SNX29: variants seen among roughly 807,000 people sequenced by gnomAD.
SNX29 encodes the protein sorting nexin-29.
In SNX29, 78 loss-of-function variants were observed where a neutral mutation model predicts 102.1. That is an observed-to-expected ratio of 0.76 (90% confidence interval 0.64 to 0.92). The LOEUF (loss-of-function observed/expected upper bound fraction) is 0.92, where lower values mean the gene tolerates loss of function less well. Ranked by LOEUF, SNX29 falls within the 40% of genes least tolerant of loss-of-function variation. The pLI is 0.00. For missense variants in SNX29, 1,280 were observed against 1,061.7 expected, an observed-to-expected ratio of 1.21 and a Z score of -2.86; for synonymous variants, 580 against 414.5, an observed-to-expected ratio of 1.40 and a Z score of -4.85.
chr16:12,342,605 G>C (rs144360798), intron 15 of SNX29, among the ~76,000 whole-genome samples: 2,737 of 152,318 alleles, frequency 0.018, 42 homozygotes, highest in Non-Finnish European at 0.023. Context: ...AGAATCTTGT[G>C]TCTTTTACGA....
chr16:12,556,452 T>TTC (rs2078356095), intron 20 of SNX29: 5 of 152,204 alleles, frequency 3.3e-5, no homozygotes, highest in Admixed American at 6.5e-5. Context: ...TCCAAGGAAC[T>TTC]CTTAGGCGAA....
At chr16:12,424,270 A>G (rs1346618708) in intron 18 of SNX29, among the ~76,000 whole-genome samples, 2 of 152,230 alleles carry the variant, frequency 1.3e-5, no homozygotes, top group East Asian at 3.8e-4. Flanking sequence ...CCATTGCCCA[A>G]GGCCAGAGTC....
chr16:11,989,496 T>C (rs988475618), intron 1 of SNX29, among the ~76,000 whole-genome samples: 1 of 152,186 alleles, frequency 6.6e-6, no homozygotes, highest in Non-Finnish European at 1.5e-5. Flanking sequence ...GGGAGAACGA[T>C]TGTCCATTTT....
intron 14 of SNX29, among the ~76,000 whole-genome samples, chr16:12,266,939 T>G (rs2078946606): frequency 6.6e-6 from 1 of 152,038 alleles, no homozygotes; most frequent in South Asian, 2.1e-4. Context: ...AATTTTGTAT[T>G]TTTAGTGGAG....
chr16:12,530,453 C>T (rs1387044644), intron 20 of SNX29, among the ~76,000 whole-genome samples: 1 of 152,184 alleles, frequency 6.6e-6, no homozygotes, highest in Non-Finnish European at 1.5e-5. Flanking sequence ...TACCCTTGCA[C>T]TCACTGTCAA....
rs550737704 is a variant in SNX29, at chr16:12,445,303, A to T, written c.2038-32416A>T. Among the ~76,000 whole-genome samples, 282 of 152,338 alleles carry T rather than the reference A, an allele frequency of 1.9e-3. 3 individuals are homozygous for T. The highest frequency in any genetic ancestry group is 6.5e-3 in the African/African-American group (270 of 41,576). Reference sequence around the variant, plus strand: ...ATCCACAAAGCCTAAAACATTTATCATCTGGCTGGCTGCAGAAGACGTTTG... The same window carrying T: ...ATCCACAAAGCCTAAAACATTTATCTTCTGGCTGGCTGCAGAAGACGTTTG... On this transcript the variant is annotated intron_variant, in intron 18 of 20. Coordinates refer to ENST00000566228, the MANE Select transcript of SNX29 (RefSeq NM_032167.5).
chr16:12,492,552 A>G (rs1465526539), intron 19 of SNX29, among the ~76,000 whole-genome samples: 1 of 151,996 alleles, frequency 6.6e-6, no homozygotes, highest in African/African-American at 2.4e-5. Flanking sequence ...CCATTTGTCA[A>G]TTTTGGCTTT....
intron 1 of SNX29, 25 bp from the exon 2 acceptor site, chr16:11,999,272 C>G: frequency 6.2e-7 from 1 of 1,612,898 alleles, no homozygotes; most frequent in Non-Finnish European, 8.5e-7. Context: ...TCAGAGAGAA[C>G]TAATTAAGCC....
At chr16:12,169,622 G>A (rs1218106229) in intron 13 of SNX29, among the ~76,000 whole-genome samples, 1 of 152,202 alleles carries the variant, frequency 6.6e-6, no homozygotes, top group Admixed American at 6.5e-5. Context: ...CACTCTGGGA[G>A]GCCAAGATGG....
intron 13 of SNX29, among the ~76,000 whole-genome samples, chr16:12,195,985 CTT>C (rs762409358): frequency 0.15 from 17,711 of 117,246 alleles, 914 homozygotes; most frequent in East Asian, 0.22. Flanking sequence ...GTTTCTTTTC[CTT>C]TTTTTTTTTT....
intron 15 of SNX29, among the ~76,000 whole-genome samples, chr16:12,347,894 G>C (rs9922297): frequency 3.5e-5 from 5 of 144,078 alleles, no homozygotes; most frequent in Non-Finnish European, 6.0e-5. Flanking sequence ...CCTGAGAAAC[G>C]TAGCCATATC....
At chr16:12,150,770 T>G (rs184453833) in intron 13 of SNX29, among the ~76,000 whole-genome samples, 94 of 152,300 alleles carry the variant, frequency 6.2e-4, no homozygotes, top group Non-Finnish European at 1.1e-3. Flanking sequence ...CAGCCTGTGG[T>G]TTGGGTTCAT....
At chr16:12,381,228 C>T (rs540699143) in intron 16 of SNX29, among the ~76,000 whole-genome samples, 1 of 21,036 alleles carries the variant, frequency 4.8e-5, no homozygotes, top group Non-Finnish European at 7.9e-5. Flanking sequence ...CCACCCACCC[C>T]TCATCCATCT....
At chr16:12,495,769 G>T (rs2088789665) in intron 19 of SNX29, among the ~76,000 whole-genome samples, 1 of 152,168 alleles carries the variant, frequency 6.6e-6, no homozygotes, top group Non-Finnish European at 1.5e-5. Flanking sequence ...AATGTCTGCA[G>T]CTGGTTGGGC....
intron 14 of SNX29, among the ~76,000 whole-genome samples, chr16:12,217,327 C>T (rs745796121): frequency 2.0e-5 from 3 of 152,194 alleles, no homozygotes; most frequent in Admixed American, 6.5e-5. Flanking sequence ...GCCCCCAACA[C>T]CTGCTGTTTC....
At position 12,396,594 on chromosome 16, in the gene SNX29, T is replaced by C. The variant is rs557885364; in HGVS notation, c.1900-1852T>C. On this transcript the variant is annotated intron_variant, in intron 16 of 20. Coordinates refer to ENST00000566228, the MANE Select transcript of SNX29 (RefSeq NM_032167.5). Reference sequence around the variant, plus strand: ...GCCCTACAGTGTCTGCCAGAGAAGATACTGGCGTCCTCCACATGGATGAAA... The same window carrying C: ...GCCCTACAGTGTCTGCCAGAGAAGACACTGGCGTCCTCCACATGGATGAAA... 6.6e-5 allele frequency among the ~76,000 whole-genome samples: 10 copies of C among 152,304 alleles called. No homozygotes were observed. The South Asian group carries it at 2.1e-3, about 32-fold the overall frequency.
chr16:12,178,314 G>A (rs544854581), intron 13 of SNX29, among the ~76,000 whole-genome samples: 3 of 152,204 alleles, frequency 2.0e-5, no homozygotes, highest in South Asian at 2.1e-4. Context: ...TTGGAAGGGC[G>A]CCGGTGCTGG....
rs181172103 is a variant in SNX29 at position 12,270,915 on chromosome 16, T to C, written c.1679-7018T>C. 7.2e-5 allele frequency among the ~76,000 whole-genome samples: 11 copies of C among 152,212 alleles called. No individual in the cohort carries two copies. In the East Asian group the frequency reaches 1.5e-3, roughly 21 times the overall value. On this transcript the variant is annotated intron_variant, in intron 14 of 20. Coordinates refer to ENST00000566228, the MANE Select transcript of SNX29 (RefSeq NM_032167.5). Reference sequence around the variant, plus strand: ...AAAATTAGCTGGGCGTGGTGGTGTGTGCCTGTAATCCCAGCTACTCAAGAG... The same window carrying C: ...AAAATTAGCTGGGCGTGGTGGTGTGCGCCTGTAATCCCAGCTACTCAAGAG...
intron 20 of SNX29, among the ~76,000 whole-genome samples, chr16:12,550,568 T>C (rs1482748211): frequency 6.7e-6 from 1 of 150,020 alleles, no homozygotes; most frequent in African/African-American, 2.4e-5. Context: ...AATATGAGGA[T>C]ATATACTTCC....
Sources: gnomAD v4.1 joint callset for allele counts (sites outside exome capture counted in the v4.1 genomes callset) on GRCh38, gnomAD v4.1.1 for gene constraint, MANE v1.5 for transcripts, NCBI Gene and HGNC (gene_info 2026-07-23, HGNC 2026-07-21) for gene names.